CTIF: variants seen among roughly 807,000 people sequenced by gnomAD.
CTIF encodes cap binding complex dependent translation initiation factor, also known as CBP80/20-dependent translation initiation factor.
A neutral mutation model predicts 66.0 loss-of-function variants in CTIF; 21 were observed. The ratio of observed to expected loss-of-function variants is 0.32; its 90% CI spans 0.23 to 0.46. CTIF has a LOEUF of 0.46. CTIF is among the 20% of genes least tolerant of loss of function. The pLI, the probability that CTIF is intolerant of heterozygous loss-of-function variation, is 1.00. For synonymous variants in CTIF, 345 were observed against 326.4 expected (o/e 1.06, Z -0.62); for missense variants, 739 against 812.7 (o/e 0.91, Z 1.10).
intron 1 of CTIF, among the ~76,000 whole-genome samples, chr18:48,610,834 C>A (rs1441098449): frequency 6.6e-6 from 1 of 152,208 alleles, no homozygotes; most frequent in Non-Finnish European, 1.5e-5. Flanking sequence ...AGGGCTTGGT[C>A]CAGGGCTTTG....
intron 9 of CTIF, among the ~76,000 whole-genome samples, chr18:48,794,611 T>A (rs1445587306): frequency 1.3e-5 from 2 of 152,162 alleles, no homozygotes; most frequent in Non-Finnish European, 2.9e-5. Context: ...GAGGGAAGTT[T>A]GGGAACATTC....
At chr18:48,848,424 C>T (rs762958380) in intron 10 of CTIF, among the ~76,000 whole-genome samples, 30 of 152,208 alleles carry the variant, frequency 2.0e-4, no homozygotes, top group Non-Finnish European at 3.4e-4. Context: ...CTCCTCCAGG[C>T]AGGGGCTGGG....
chr18:48,796,726 GC>G (rs1399250324), intron 9 of CTIF, among the ~76,000 whole-genome samples: 2 of 152,178 alleles, frequency 1.3e-5, no homozygotes, highest in Non-Finnish European at 2.9e-5. Flanking sequence ...GCCCACAGCT[GC>G]CCAGGGGAGA....
intron 10 of CTIF, chr18:48,834,707 C>T (rs1390978563): frequency 1.3e-5 from 2 of 152,676 alleles, no homozygotes; most frequent in Non-Finnish European, 2.9e-5. Context: ...TCATATGAGC[C>T]CAGGGAAAGG....
chr18:48,761,725 C>T lies in CTIF; in HGVS notation c.1371+36C>T, dbSNP rs758361243. 4 of 1,576,292 alleles carry T rather than the reference C, an allele frequency of 2.5e-6. No homozygotes were observed. In the East Asian group the frequency reaches 9.0e-5, roughly 36 times the overall value. Reference sequence around the variant, plus strand: ...GCCGGCCACCACCGCCCCGCGCCCCCTGCCCCTCTGCGTTCGGTGAGTTAT... The same window carrying T: ...GCCGGCCACCACCGCCCCGCGCCCCTTGCCCCTCTGCGTTCGGTGAGTTAT... On this transcript the variant is annotated intron_variant, in intron 9 of 11. Transcript: ENST00000256413. The surrounding 1 kb of genome is among the most constrained non-coding windows in gnomAD (Gnocchi z 4.2).
intron 1 of CTIF, among the ~76,000 whole-genome samples, chr18:48,607,959 G>A (rs1260903036): frequency 6.6e-6 from 1 of 152,174 alleles, no homozygotes; most frequent in African/African-American, 2.4e-5. Context: ...TTATTTCACA[G>A]TGTAACTCCC....
chr18:48,672,479 G>A (rs2091551822), intron 6 of CTIF, among the ~76,000 whole-genome samples: 1 of 152,150 alleles, frequency 6.6e-6, no homozygotes, highest in Non-Finnish European at 1.5e-5. Flanking sequence ...TCACCTAGGA[G>A]ATATTGTGCA....
rs569155885 is a variant in CTIF, at chr18:48,751,808, CT to C, written c.585-6110del. The stretch of plus-strand genomic sequence containing the variant: ...ACACCCTGCCTCCACCCCAACTTCT[CT>C]CAGAGGGCTGCAGGAGCTATGTGGC... On this transcript the variant is annotated intron_variant, in intron 7 of 11. Transcript: ENST00000256413. Among the ~76,000 whole-genome samples the C allele has an allele frequency of 1.8e-3, 272 of 152,344 alleles. 10 individuals are homozygous for C. The highest frequency in any genetic ancestry group is 1.7e-3 in the Non-Finnish European group (115 of 68,032).
At chr18:48,781,572 A>G (rs1199174314) in intron 9 of CTIF, among the ~76,000 whole-genome samples, 2 of 152,114 alleles carry the variant, frequency 1.3e-5, no homozygotes, top group Admixed American at 6.5e-5. Flanking sequence ...CTGAGGCCAT[A>G]TCTAGCGAGA....
At chr18:48,807,580 G>GTTTTTTT (rs36110913) in intron 9 of CTIF, among the ~76,000 whole-genome samples, 1 of 102,812 alleles carries the variant, frequency 9.7e-6, no homozygotes, top group Non-Finnish European at 2.0e-5. Context: ...TTGTTGTTGT[G>GTTTTTTT]TTTTTTTTTT....
intron 9 of CTIF, among the ~76,000 whole-genome samples, chr18:48,803,994 C>T (rs1446257079): frequency 1.3e-5 from 2 of 152,132 alleles, no homozygotes; most frequent in Non-Finnish European, 2.9e-5. Flanking sequence ...GTCCTAGGGC[C>T]CACCTTCCAT....
In CTIF at chr18:48,745,165, C is replaced by CT. The variant is rs34576415; in HGVS notation, c.585-12747dup. Among the ~76,000 whole-genome samples the CT allele has an allele frequency of 4.6e-5, 7 of 152,256 alleles. No individual in the cohort carries two copies. The East Asian group carries it at 9.6e-4, about 21-fold the overall frequency. ...AGTCTCTGTATTTCATGACATTGGC[C>CT]TTTTTTTAAAGAGTGACCAGTTATT... is the stretch of plus-strand genomic sequence containing the variant. On this transcript the variant is annotated intron_variant, in intron 7 of 11. Transcript: ENST00000256413.
At chr18:48,580,937 G>A (rs1230574967) in intron 1 of CTIF, among the ~76,000 whole-genome samples, 1 of 152,242 alleles carries the variant, frequency 6.6e-6, no homozygotes, top group East Asian at 1.9e-4. Context: ...TGCAGGCATC[G>A]CGGCCCCACC....
chr18:48,663,692 G>C, intron 3 of CTIF, 60 bp from the exon 4 acceptor site: 12 of 1,512,290 alleles, frequency 7.9e-6, no homozygotes, highest in South Asian at 1.1e-5. Context: ...CCCTGGCCCC[G>C]TGTTCTCAGC....
Position 48,739,351 on chromosome 18 carries a change from C to T in CTIF, c.585-18568C>T, listed in dbSNP as rs530507652. Among the ~76,000 whole-genome samples, 12 of 152,362 alleles carry T rather than the reference C, an allele frequency of 7.9e-5. No homozygotes were observed. In the South Asian group the frequency reaches 2.3e-3, roughly 29 times the overall value. ...ATGTCAGGCAAATGCACTCCCGTGT[C>T]GTGGCCCATGACGCCTTTGTGAAGG... is the stretch of plus-strand genomic sequence containing the variant. On this transcript the variant is annotated intron_variant, in intron 7 of 11. Transcript: ENST00000256413.
At chr18:48,652,864 C>G (rs1025660905) in intron 3 of CTIF, among the ~76,000 whole-genome samples, 1 of 152,152 alleles carries the variant, frequency 6.6e-6, no homozygotes, top group Non-Finnish European at 1.5e-5. Context: ...ATAAACAAAA[C>G]CAACGACAAA....
chr18:48,662,377 G>GCTGCAGA (rs1164845956), intron 3 of CTIF: 1 of 152,034 alleles, frequency 6.6e-6, no homozygotes, highest in Non-Finnish European at 1.5e-5. Flanking sequence ...AGACCTGCAG[G>GCTGCAGA]CTGTTGGTGC....
At chr18:48,784,024 T>A (rs1911487562) in intron 9 of CTIF, among the ~76,000 whole-genome samples, 1 of 152,220 alleles carries the variant, frequency 6.6e-6, no homozygotes, top group Admixed American at 6.5e-5. Flanking sequence ...ACACCAAGAT[T>A]CATTCATTTA....
intron 7 of CTIF, among the ~76,000 whole-genome samples, chr18:48,736,513 G>A (rs950580645): frequency 6.6e-6 from 1 of 152,202 alleles, no homozygotes; most frequent in African/African-American, 2.4e-5. Context: ...GGGATGCCCA[G>A]AGTTTAGCTC....
Sources: allele counts gnomAD v4.1 joint callset (sites outside exome capture counted in the v4.1 genomes callset), GRCh38; gene constraint gnomAD v4.1.1; non-coding constraint Gnocchi (gnomAD v3.1); transcripts MANE v1.5; gene names NCBI Gene and HGNC (gene_info 2026-07-23, HGNC 2026-07-21).